INTU: variants seen among roughly 807,000 people sequenced by gnomAD.
INTU encodes the protein protein inturned.
A neutral mutation model predicts 100.5 loss-of-function variants in INTU; 68 were observed. The observed-to-expected ratio is 0.68, with a 90% CI of 0.56 to 0.83. The LOEUF (loss-of-function observed/expected upper bound fraction) is 0.83, where lower values mean the gene tolerates loss of function less well. Ranked by LOEUF, INTU falls within the 40% of genes least tolerant of loss-of-function variation. The probability of loss-of-function intolerance (pLI) is 0.00; values close to 1 mark genes in which losing one functional copy is unlikely to be tolerated. For synonymous variants in INTU, 357 were observed against 395.7 expected, an observed-to-expected ratio of 0.90 and a Z score of 1.16; for missense variants, 1,071 against 1,114.7, an observed-to-expected ratio of 0.96 and a Z score of 0.56.
chr4:127,708,501 T>C (rs979062087), intron 12 of INTU, 70 bp from the exon 13 acceptor site: 2 of 803,636 alleles, frequency 2.5e-6, no homozygotes, highest in Non-Finnish European at 4.0e-6. Context: ...GGATGTTTAA[T>C]TTTTAAATTG....
Position 127,684,416 on chromosome 4 carries a change from C to T in INTU, c.1189C>T (p.Leu397Phe), listed in dbSNP as rs1412731056. ...GTAATTTTGCTTTTTTAGAGTTCCT[C>T]TTCCTCGTCTAAGGAACATGATAGA... Reference protein sequence around the residue: ...LIGLPAEEVPLPRLRNMIENV... With the variant: ...LIGLPAEEVPFPRLRNMIENV... Residue 397 changes from leucine (L) to phenylalanine (F), a missense_variant, in exon 7 of 16, where the codon CTT becomes TTT. Leu to Phe is a conservative substitution (Grantham distance 22, BLOSUM62 0). Coordinates refer to ENST00000335251, the MANE Select transcript of INTU (RefSeq NM_015693.4). 9 of 1,593,590 alleles carry T rather than the reference C, an allele frequency of 5.6e-6. No homozygotes were observed. The Admixed American group carries it at 1.2e-4, about 22-fold the overall frequency.
intron 1 of INTU, among the ~76,000 whole-genome samples, chr4:127,637,672 T>G (rs1386724417): frequency 6.6e-6 from 1 of 152,216 alleles, no homozygotes; most frequent in African/African-American, 2.4e-5. Context: ...TTCAGCCATT[T>G]GATTCTCTGT....
rs754138128 is a variant in INTU, at chr4:127,708,596, C to G, written c.2297C>G (p.Pro766Arg). The change falls in exon 13 of 16, where the codon CCA becomes CGA. Residue 766 changes from proline (P) to arginine (R), a missense_variant. Coordinates refer to ENST00000335251, the MANE Select transcript of INTU (RefSeq NM_015693.4). Reference sequence around the variant, plus strand: ...GTCACTAAAAAGAAGTCTACTCTTCCAAATCCATTTCATTTGGGAAACTTG... The same window carrying G: ...GTCACTAAAAAGAAGTCTACTCTTCGAAATCCATTTCATTTGGGAAACTTG... ...LKVTKKKSTL[P>R]NPFHLGNLKK... The G allele has an allele frequency of 6.3e-7, 1 of 1,596,082 alleles. No individual in the cohort carries two copies. The highest frequency in any genetic ancestry group is 1.1e-5 in the South Asian group (1 of 90,024).
At chr4:127,707,929 G>A (rs962197300) in intron 12 of INTU, among the ~76,000 whole-genome samples, 9 of 152,136 alleles carry the variant, frequency 5.9e-5, no homozygotes, top group African/African-American at 2.2e-4. Context: ...CAGATGAGGA[G>A]TCTGAGAAGG....
intron 2 of INTU, among the ~76,000 whole-genome samples, chr4:127,649,618 G>C (rs1192722535): frequency 1.3e-5 from 2 of 152,014 alleles, no homozygotes; most frequent in Non-Finnish European, 2.9e-5. Flanking sequence ...TCACGTTGGT[G>C]CTCAAAAAGT....
intron 7 of INTU, 92 bp from the exon 8 acceptor site, chr4:127,687,586 G>A (rs1238323278): frequency 1.1e-6 from 1 of 890,408 alleles, no homozygotes; most frequent in Non-Finnish European, 1.8e-6. Flanking sequence ...GATAGCCTAT[G>A]TAGTTGGGAA....
Position 127,704,399 on chromosome 4 carries a change from A to G in INTU, c.1566+109A>G, listed in dbSNP as rs533100154. 1.1e-4 allele frequency: 92 copies of G among 831,038 alleles called. No homozygotes were observed. In the Middle Eastern group the frequency reaches 1.7e-3, roughly 15 times the overall value. 51.5% of individuals were successfully genotyped at this position (831,038 alleles called of 1,614,324 possible). A position where few individuals can be genotyped will look rare whatever the true frequency, so the allele number is the denominator to read the frequency against. ...CATTTATCTCTTTTCTTTCAAATGT[A>G]GGTACCATAAGATTAAGAGCTTTCT... On this transcript the variant is annotated intron_variant, in intron 10 of 15. Coordinates refer to ENST00000335251, the MANE Select transcript of INTU (RefSeq NM_015693.4).
At chr4:127,636,436 C>A (rs1727073828) in intron 1 of INTU, among the ~76,000 whole-genome samples, 1 of 151,798 alleles carries the variant, frequency 6.6e-6, no homozygotes, top group African/African-American at 2.4e-5. Flanking sequence ...TATGGTGAAA[C>A]CCCATCTCTA....
chr4:127,677,843 A>G (rs1729303219), intron 6 of INTU, among the ~76,000 whole-genome samples: 1 of 152,202 alleles, frequency 6.6e-6, no homozygotes, highest in Non-Finnish European at 1.5e-5. Flanking sequence ...AAAGAAGTTG[A>G]AAACTTTGAA....
chr4:127,711,071 G>C lies in INTU; in HGVS notation c.2528G>C (p.Arg843Pro). ...KNFHQCCLSI[R>P]AVFQQTLVEE... ...TTCCATCAGTGTTGTCTTTCCATTCGTGCAGTTTTCCAACAGACATTGGTG... is the reference window on the plus strand; with the variant it reads ...TTCCATCAGTGTTGTCTTTCCATTCCTGCAGTTTTCCAACAGACATTGGTG... Residue 843 changes from arginine to proline, a missense_variant, in exon 14 of 16, where the codon CGT (arginine) becomes CCT (proline). Arg to Pro is a moderately radical substitution (Grantham distance 103). Coordinates refer to ENST00000335251, the MANE Select transcript of INTU (RefSeq NM_015693.4). The C allele has an allele frequency of 1.3e-6, 2 of 1,598,348 alleles. No individual in the cohort carries two copies. The highest frequency in any genetic ancestry group is 1.7e-6 in the Non-Finnish European group (2 of 1,168,904).
intron 6 of INTU, among the ~76,000 whole-genome samples, chr4:127,675,280 C>A (rs1729123216): frequency 6.6e-6 from 1 of 152,174 alleles, no homozygotes; most frequent in Non-Finnish European, 1.5e-5. Context: ...ATGGATACAA[C>A]TTCAGAGAAT....
At chr4:127,676,322 A>C (rs1011170713) in intron 6 of INTU, among the ~76,000 whole-genome samples, 1 of 152,176 alleles carries the variant, frequency 6.6e-6, no homozygotes, top group Non-Finnish European at 1.5e-5. Flanking sequence ...GCAGTGGCTC[A>C]CACCTATAAT....
At position 127,684,427 on chromosome 4, in the gene INTU, A is replaced by G; in HGVS notation, c.1200A>G (p.Leu400=). 1 of 1,600,636 alleles carries G rather than the reference A, an allele frequency of 6.2e-7. No homozygotes were observed. The highest frequency in any genetic ancestry group is 1.7e-4 in the Middle Eastern group (1 of 5,926). Residue 400 remains leucine (L), a synonymous_variant, in exon 7 of 16, where the codon CTA becomes CTG. Coordinates refer to ENST00000335251, the MANE Select transcript of INTU (RefSeq NM_015693.4). ...LPAEEVPLPR[L]RNMIENVIQT... is the part of the protein sequence containing the mutation. ...TTTTTAGAGTTCCTCTTCCTCGTCT[A>G]AGGAACATGATAGAAAATGTCATCC...
intron 2 of INTU, among the ~76,000 whole-genome samples, chr4:127,655,885 C>G (rs545870495): frequency 6.6e-6 from 1 of 152,166 alleles, no homozygotes; most frequent in Non-Finnish European, 1.5e-5. Context: ...ACTCCGTGGG[C>G]GTAGGACCCT....
intron 5 of INTU, among the ~76,000 whole-genome samples, chr4:127,670,693 C>A (rs1013072259): frequency 6.6e-6 from 1 of 151,848 alleles, no homozygotes; most frequent in Non-Finnish European, 1.5e-5. Context: ...GGCATCACAT[C>A]ACCTGACTTC....
intron 1 of INTU, among the ~76,000 whole-genome samples, chr4:127,643,311 C>G (rs997664474): frequency 1.3e-5 from 2 of 152,000 alleles, no homozygotes; most frequent in African/African-American, 4.8e-5. Flanking sequence ...AACTCCTATT[C>G]AAAGCTCTAC....
At chr4:127,670,527 G>T (rs971078274) in intron 5 of INTU, among the ~76,000 whole-genome samples, 2 of 151,834 alleles carry the variant, frequency 1.3e-5, no homozygotes, top group African/African-American at 4.8e-5. Context: ...CATATTGCAG[G>T]CCTCTTTTTA....
At chr4:127,686,943 A>G (rs1268561930) in intron 7 of INTU, 1 of 152,220 alleles carries the variant, frequency 6.6e-6, no homozygotes, top group Non-Finnish European at 1.5e-5. Flanking sequence ...AGCTGTTCCA[A>G]TAAATGCTTG....
intron 8 of INTU, among the ~76,000 whole-genome samples, chr4:127,689,105 C>T (rs1167395055): frequency 1.3e-5 from 2 of 150,660 alleles, no homozygotes; most frequent in Non-Finnish European, 3.0e-5. Context: ...ACCTCAGCCT[C>T]TCAGGTAGCT....
Sources: gnomAD v4.1 joint callset for allele counts (sites outside exome capture counted in the v4.1 genomes callset) on GRCh38, gnomAD v4.1.1 for gene constraint, MANE v1.5 for transcripts, NCBI Gene and HGNC (gene_info 2026-07-23, HGNC 2026-07-21) for gene names.